Variants in MYO16 observed in about 807,000 individuals in gnomAD.
MYO16 encodes the protein myosin XVI.
MYO16 carries 94 observed loss-of-function variants against 205.3 expected under a neutral mutation model. That is an observed-to-expected ratio of 0.46 (90% CI 0.39 to 0.54). The LOEUF is 0.54. Among genes scored for constraint, MYO16 ranks in the 20% least tolerant of loss-of-function variants. The probability of loss-of-function intolerance (pLI) is 0.00; values close to 1 mark genes in which losing one functional copy is unlikely to be tolerated. For synonymous variants in MYO16, 988 were observed against 954.0 expected, an observed-to-expected ratio of 1.04 and a Z score of -0.66; for missense variants, 2,315 against 2,387.5, an observed-to-expected ratio of 0.97 and a Z score of 0.63.
the MYO16 span, among the ~76,000 whole-genome samples, chr13:108,579,161 G>A: frequency 3.3e-5 from 5 of 152,106 alleles, no homozygotes; most frequent in Non-Finnish European, 7.4e-5. Flanking sequence ...CAGAGTGGTG[G>A]CCCATGCCCT....
At chr13:109,117,147 C>T (rs145250157) in intron 28 of MYO16, among the ~76,000 whole-genome samples, 1 of 152,070 alleles carries the variant, frequency 6.6e-6, no homozygotes, top group Non-Finnish European at 1.5e-5. Context: ...TGCTGAATGA[C>T]TCTAGGGTCT....
chr13:108,904,265 A>G (rs1336265281), intron 15 of MYO16, among the ~76,000 whole-genome samples: 1 of 152,144 alleles, frequency 6.6e-6, no homozygotes, highest in East Asian at 1.9e-4. Flanking sequence ...TTAGAATATA[A>G]TTATTTAGGT....
At chr13:108,548,119 C>T in the MYO16 span, among the ~76,000 whole-genome samples, 13 of 151,842 alleles carry the variant, frequency 8.6e-5, no homozygotes, top group Non-Finnish European at 1.8e-4. Context: ...CTACTTAGCT[C>T]GTTTGTTTTG....
intron 4 of MYO16, among the ~76,000 whole-genome samples, chr13:108,751,058 T>G (rs1389322299): frequency 9.9e-6 from 1 of 100,922 alleles, no homozygotes; most frequent in Non-Finnish European, 2.2e-5. Flanking sequence ...TATATATGTG[T>G]GTTCACACAC....
At chr13:108,681,804 G>A (rs1240740614) in intron 2 of MYO16, among the ~76,000 whole-genome samples, 1 of 152,148 alleles carries the variant, frequency 6.6e-6, no homozygotes, top group Non-Finnish European at 1.5e-5. Flanking sequence ...TAGAAATGTA[G>A]TTAGGCATTT....
chr13:108,610,754 G>T (rs1195152510), intron 1 of MYO16, among the ~76,000 whole-genome samples: 3 of 152,204 alleles, frequency 2.0e-5, no homozygotes, highest in African/African-American at 7.2e-5. Context: ...TCTTGACAAG[G>T]AAGAGGTGAC....
chr13:108,659,443 G>T, intron 1 of MYO16: 1 of 368,966 alleles, frequency 2.7e-6, no homozygotes, highest in Non-Finnish European at 5.3e-6. Flanking sequence ...GCTGAGCAGG[G>T]GCTTCTGGCC....
At chr13:108,838,130 G>C (rs1877024584) in intron 9 of MYO16, among the ~76,000 whole-genome samples, 1 of 152,118 alleles carries the variant, frequency 6.6e-6, no homozygotes, top group South Asian at 2.1e-4. Flanking sequence ...TCAAACCTCA[G>C]CTCCAGTAGC....
intron 3 of MYO16, among the ~76,000 whole-genome samples, chr13:108,725,759 G>C (rs1884315941): frequency 6.6e-6 from 1 of 152,070 alleles, no homozygotes; most frequent in Non-Finnish European, 1.5e-5. Context: ...TTTTCTCTGT[G>C]CAGCTTTGTC....
At chr13:108,744,376 T>C (rs1054537648) in intron 4 of MYO16, among the ~76,000 whole-genome samples, 1 of 152,218 alleles carries the variant, frequency 6.6e-6, no homozygotes, top group Non-Finnish European at 1.5e-5. Flanking sequence ...TTGTTTTCAG[T>C]CATTCTATAA....
At chr13:108,636,225 G>A (rs1174146649) in intron 1 of MYO16, among the ~76,000 whole-genome samples, 1 of 151,936 alleles carries the variant, frequency 6.6e-6, no homozygotes, top group Admixed American at 6.6e-5. Flanking sequence ...TAACTTTTGA[G>A]ATATGATAAG....
chr13:108,901,275 C>A (rs577350875), intron 15 of MYO16, among the ~76,000 whole-genome samples: 1 of 152,110 alleles, frequency 6.6e-6, no homozygotes, highest in East Asian at 1.9e-4. Flanking sequence ...CCTATTTGTA[C>A]ACTCCCTCCC....
At chr13:108,546,685 A>G in the MYO16 span, among the ~76,000 whole-genome samples, 1 of 152,096 alleles carries the variant, frequency 6.6e-6, no homozygotes, top group African/African-American at 2.4e-5. Context: ...GCGTCATTAT[A>G]CAGAATGCCA....
the MYO16 span, among the ~76,000 whole-genome samples, chr13:108,576,141 A>G: frequency 6.6e-6 from 1 of 152,202 alleles, no homozygotes; most frequent in Non-Finnish European, 1.5e-5. Flanking sequence ...CCAAAACTAC[A>G]GAAAGGACTT....
intron 33 of MYO16, chr13:109,166,831 C>A (rs1878688679): frequency 6.6e-6 from 1 of 152,154 alleles, no homozygotes; most frequent in African/African-American, 2.4e-5. Flanking sequence ...AATATTACTC[C>A]CAAAACTTGG....
At chr13:108,603,261 C>T (rs2139303189) in intron 1 of MYO16, among the ~76,000 whole-genome samples, 1 of 152,242 alleles carries the variant, frequency 6.6e-6, no homozygotes, top group Non-Finnish European at 1.5e-5. Context: ...ATGTTTACAT[C>T]ATCTTACAAT....
rs762080589 is a variant in MYO16, at chr13:109,125,287, T to C, written c.3711T>C (p.Arg1237=). ...SDIARENDRL[R]SEMNAPYHKE... ...TTGCCCGGGAAAATGACCGGCTCCG[T>C]AGTGAAATGAACGCTCCCTACCATA... is the stretch of plus-strand genomic sequence containing the variant. The change falls in exon 30 of 35, where the codon CGT becomes CGC. Residue 1237 remains arginine, a synonymous_variant. Transcript: ENST00000457511. The surrounding 1 kb of genome is among the most constrained non-coding windows in gnomAD (Gnocchi z 4.0). 1 of 1,614,042 alleles carries C rather than the reference T, an allele frequency of 6.2e-7. No homozygotes were observed. The highest frequency in any genetic ancestry group is 8.5e-7 in the Non-Finnish European group (1 of 1,179,996).
At position 108,857,981 on chromosome 13, in the gene MYO16, A is replaced by G. The variant is rs141066002; in HGVS notation, c.1359+2428A>G. On this transcript the variant is annotated intron_variant, in intron 11 of 34. Transcript: ENST00000457511. Reference sequence around the variant, plus strand: ...AATTCCTAAAATACAGAAAAGCTCAATCGATTAGGATCAATTTTGTAATAG... The same window carrying G: ...AATTCCTAAAATACAGAAAAGCTCAGTCGATTAGGATCAATTTTGTAATAG... 7.1e-3 allele frequency among the ~76,000 whole-genome samples: 1,082 copies of G among 152,342 alleles called. 9 individuals carry two copies. Among genetic ancestry groups the G allele is most frequent in the African/African-American group, 0.024 (1,004 of 41,588 alleles).
chr13:109,047,907 C>T (rs1318453208), intron 24 of MYO16, among the ~76,000 whole-genome samples: 1 of 152,020 alleles, frequency 6.6e-6, no homozygotes, highest in East Asian at 1.9e-4. Flanking sequence ...ATTCTGCTTG[C>T]TTCTCAGAAC....
Sources: allele counts gnomAD v4.1 joint callset (sites outside exome capture counted in the v4.1 genomes callset), GRCh38; gene constraint gnomAD v4.1.1; non-coding constraint Gnocchi (gnomAD v3.1); transcripts MANE v1.5; gene names NCBI Gene and HGNC (gene_info 2026-07-23, HGNC 2026-07-21).